Variants in PITRM1 observed in about 807,000 individuals in gnomAD.
PITRM1 encodes the protein pitrilysin metallopeptidase 1.
PITRM1 carries 100 observed loss-of-function variants against 129.9 expected under a neutral mutation model. That is an observed-to-expected ratio of 0.77 (90% confidence interval 0.65 to 0.91). The LOEUF (loss-of-function observed/expected upper bound fraction) is 0.91, where lower values mean the gene tolerates loss of function less well. Among genes scored for constraint, PITRM1 ranks in the 40% least tolerant of loss-of-function variants. PITRM1 has a pLI of 0.00. For missense variants in PITRM1, 1,471 were observed against 1,318.3 expected, an observed-to-expected ratio of 1.12 and a Z score of -1.79; for synonymous variants, 591 against 508.8, an observed-to-expected ratio of 1.16 and a Z score of -2.17.
intron 7 of PITRM1, chr10:3,162,992 TCAC>T (rs1387077040): frequency 1.3e-5 from 2 of 152,260 alleles, no homozygotes; most frequent in African/African-American, 4.8e-5. Flanking sequence ...GAAAAAATCC[TCAC>T]GTTTTAGGGT....
chr10:3,171,372 T>C (rs9423503), intron 1 of PITRM1, among the ~76,000 whole-genome samples: 104,311 of 149,662 alleles, frequency 0.7, 36,446 homozygotes, highest in East Asian at 0.74. Flanking sequence ...TTCTGTATGT[T>C]ATGACCGTGA....
intron 2 of PITRM1, among the ~76,000 whole-genome samples, chr10:3,169,551 G>A (rs933589846): frequency 6.6e-6 from 1 of 152,212 alleles, no homozygotes; most frequent in African/African-American, 2.4e-5. Flanking sequence ...AATACATGAA[G>A]CGTGTCATTT....
intron 23 of PITRM1, among the ~76,000 whole-genome samples, chr10:3,142,552 G>C (rs927362674): frequency 1.3e-5 from 2 of 152,272 alleles, no homozygotes; most frequent in Non-Finnish European, 2.9e-5. Flanking sequence ...ACGTCTGTGA[G>C]TCTGTCCTGG....
chr10:3,143,170 G>T (rs1271089762), intron 23 of PITRM1: 5 of 568,026 alleles, frequency 8.8e-6, no homozygotes, highest in African/African-American at 7.5e-5. Context: ...CTCAATAATA[G>T]AAATTGTTTA....
intron 20 of PITRM1, 42 bp downstream of exon 20, chr10:3,147,108 A>G (rs1301044015): frequency 9.2e-7 from 1 of 1,085,558 alleles, no homozygotes. Context: ...TATACTTAAT[A>G]GAATGAATCA....
rs557075045 is a variant in PITRM1, at chr10:3,137,932, CAT to C, written c.*97_*98del. 2.0e-3 allele frequency: 1,430 copies of C among 731,690 alleles called. 4 individuals carry two copies. Among genetic ancestry groups the C allele is most frequent in the Non-Finnish European group, 3.0e-3 (1,288 of 430,116 alleles). The allele number at this position is 731,690 out of a possible 1,614,324, so 45.3% of individuals were successfully genotyped here. On this transcript the variant is annotated 3_prime_UTR_variant, in exon 27 of 27. Transcript: ENST00000224949. Reference sequence around the variant, plus strand: ...CAAGGGCTTTGGCGACACTCAATGACATAATATTCTTGGAAAAAGCAGTAGCA... The same window carrying C: ...CAAGGGCTTTGGCGACACTCAATGACAATATTCTTGGAAAAAGCAGTAGCA...
intron 2 of PITRM1, among the ~76,000 whole-genome samples, chr10:3,168,719 G>A (rs11251747): frequency 2.0e-5 from 3 of 152,118 alleles, no homozygotes; most frequent in East Asian, 1.9e-4. Flanking sequence ...CTTCCACCAC[G>A]ATTGTGTTTC....
chr10:3,156,645 T>C (rs1028256841), intron 13 of PITRM1, among the ~76,000 whole-genome samples: 3 of 152,234 alleles, frequency 2.0e-5, no homozygotes, highest in African/African-American at 7.2e-5. Context: ...TATTTTATAT[T>C]CTTCTACTAA....
chr10:3,167,288 C>A (rs201490391), intron 2 of PITRM1, among the ~76,000 whole-genome samples: 22 of 71,632 alleles, frequency 3.1e-4, no homozygotes, highest in African/African-American at 8.1e-4. Flanking sequence ...AGAGAGAGAG[C>A]GAGCGAGCGA....
chr10:3,165,511 CAG>C lies in PITRM1; in HGVS notation c.433_434del (p.Leu145ValfsTer42). 1 of 1,598,446 alleles carries C rather than the reference CAG, an allele frequency of 6.3e-7. No homozygotes were observed. Among genetic ancestry groups the C allele is most frequent in the Non-Finnish European group, 8.6e-7 (1 of 1,166,326 alleles). On this transcript the variant is annotated frameshift_variant, in exon 5 of 27. Coordinates refer to ENST00000224949, the MANE Select transcript of PITRM1 (RefSeq NM_014889.4). LOFTEE classifies it high-confidence loss of function. ...MNAFTASDYT[L>X]YPFSTQNPKD... ...TGGGATTTTGTGTGGAAAATGGATA[CAG>C]AGTATAATCACTAGCTGGGTACAAA...
intron 21 of PITRM1, 56 bp downstream of exon 21, chr10:3,145,540 G>A (rs1840760868): frequency 6.8e-7 from 1 of 1,477,244 alleles, no homozygotes. Flanking sequence ...TAAAACATGA[G>A]AGCTGCTCTG....
intron 14 of PITRM1, among the ~76,000 whole-genome samples, chr10:3,154,397 CA>C (rs1439397026): frequency 1.3e-5 from 2 of 152,180 alleles, no homozygotes; most frequent in Non-Finnish European, 2.9e-5. Flanking sequence ...TAGGTGGCCA[CA>C]CCATTTTGGC....
intron 7 of PITRM1, chr10:3,163,211 T>C (rs552563957): frequency 6.6e-6 from 1 of 152,358 alleles, no homozygotes; most frequent in Non-Finnish European, 1.5e-5. Context: ...AGCATTCATA[T>C]GTAAATACAA....
In PITRM1 at chr10:3,155,588, G is replaced by C. The variant is rs1324531043; in HGVS notation, c.1621+3C>G. ...CTCGCCAGCTCGGAAGGAAGCCTCT[G>C]ACCTTTCTCGTAGATCTGCTGCCTG... On this transcript the variant is annotated splice_donor_region_variant and intron_variant, in intron 14 of 26. Transcript: ENST00000224949. 1 of 1,613,838 alleles carries C rather than the reference G, an allele frequency of 6.2e-7. No individual in the cohort carries two copies. The highest frequency in any genetic ancestry group is 1.3e-5 in the African/African-American group (1 of 75,014).
intron 2 of PITRM1, among the ~76,000 whole-genome samples, chr10:3,167,284 A>AGAGAGAGCGAGC (rs542471115): frequency 2.0e-5 from 3 of 148,976 alleles, no homozygotes; most frequent in Admixed American, 1.3e-4. Context: ...AAAGAGAGAG[A>AGAGAGAGCGAGC]GAGCGAGCGA....
At position 3,151,465 on chromosome 10, in the gene PITRM1, C is replaced by T. The variant is rs1408342383; in HGVS notation, c.1622-102G>A. On this transcript the variant is annotated intron_variant, in intron 14 of 26. Transcript: ENST00000224949. The stretch of plus-strand genomic sequence containing the variant: ...ATCTTAACATCCAGAATTAGCCGTC[C>T]ACGCCAAGTGTGGGGAGTACAGGAG... 22 of 738,544 alleles carry T rather than the reference C, an allele frequency of 3.0e-5. No individual in the cohort carries two copies. The Admixed American group carries it at 4.4e-4, about 15-fold the overall frequency. The allele number at this position is 738,544 out of a possible 1,614,324, so 45.7% of individuals were successfully genotyped here. A position where few individuals can be genotyped will look rare whatever the true frequency, so the allele number is the denominator to read the frequency against.
intron 2 of PITRM1, among the ~76,000 whole-genome samples, chr10:3,167,651 T>C (rs539238652): frequency 3.3e-5 from 5 of 152,352 alleles, no homozygotes; most frequent in African/African-American, 1.2e-4. Flanking sequence ...TGTCTCCTGC[T>C]TTTGTGTGCT....
chr10:3,167,879 ACAG>A (rs2132515063), intron 2 of PITRM1: 1 of 151,992 alleles, frequency 6.6e-6, no homozygotes, highest in African/African-American at 2.4e-5. Context: ...GGCTTCCAGA[ACAG>A]CTGGAGGGGC....
chr10:3,144,176 G>A (rs1183158164), intron 22 of PITRM1, 116 bp downstream of exon 22: 1 of 657,152 alleles, frequency 1.5e-6, no homozygotes, highest in Non-Finnish European at 2.7e-6. Context: ...CGCAACTCTA[G>A]GGACACGCCA....
Sources: gnomAD v4.1 joint callset for allele counts (sites outside exome capture counted in the v4.1 genomes callset) on GRCh38, gnomAD v4.1.1 for gene constraint, MANE v1.5 for transcripts, NCBI Gene and HGNC (gene_info 2026-07-23, HGNC 2026-07-21) for gene names.